The following TOMM70 variants were observed in gnomAD, a reference collection of about 807,000 sequenced individuals.
TOMM70 encodes the protein mitochondrial import receptor subunit TOM70.
TOMM70 carries 13 observed loss-of-function variants against 73.6 expected under a neutral mutation model. That is an observed-to-expected ratio of 0.18 (90% confidence interval 0.11 to 0.28). The LOEUF (loss-of-function observed/expected upper bound fraction) is 0.28. TOMM70 is among the 10% of genes least tolerant of loss of function. The pLI is 1.00. For missense variants in TOMM70, 609 were observed against 747.5 expected, an observed-to-expected ratio of 0.81 and a Z score of 2.16; for synonymous variants, 257 against 271.2, an observed-to-expected ratio of 0.95 and a Z score of 0.51.
At chr3:100,369,912 A>C (rs776822133) in intron 9 of TOMM70, among the ~76,000 whole-genome samples, 3 of 152,220 alleles carry the variant, frequency 2.0e-5, no homozygotes, top group Non-Finnish European at 2.9e-5. Context: ...AAGCAGCTAT[A>C]ACTGCTTCAA....
chr3:100,400,557 T>C (rs1576221423), intron 1 of TOMM70, 69 bp downstream of exon 1: 2 of 1,545,588 alleles, frequency 1.3e-6, no homozygotes, highest in East Asian at 2.4e-5. Flanking sequence ...GCCCCCTCAC[T>C]GACACAACCC....
chr3:100,400,696 G>A lies in TOMM70; in HGVS notation c.254C>T (p.Thr85Ile). The A allele has an allele frequency of 6.2e-7, 1 of 1,611,670 alleles. No homozygotes were observed. The highest frequency in any genetic ancestry group is 8.5e-7 in the Non-Finnish European group (1 of 1,179,642). ...SGLKRNSERK[T>I]PEGRASPAPG... ...GGCCGGACTGGCCCTGCCCTCCGGG[G>A]TCTTCCGTTCGCTGTTGCGCTTCAG... The change falls in exon 1 of 12, where the codon ACC becomes ATC. Residue 85 changes from threonine to isoleucine, a missense_variant. Coordinates refer to ENST00000284320, the MANE Select transcript of TOMM70 (RefSeq NM_014820.5).
intron 1 of TOMM70, among the ~76,000 whole-genome samples, chr3:100,395,423 T>G (rs1305156852): frequency 6.7e-6 from 1 of 149,468 alleles, no homozygotes; most frequent in Admixed American, 6.7e-5. Context: ...CCAGGCATGG[T>G]GGCGAGCTAC....
At chr3:100,386,156 C>T in intron 3 of TOMM70, 62 bp downstream of exon 3, 1 of 1,543,270 alleles carries the variant, frequency 6.5e-7, no homozygotes, top group South Asian at 1.2e-5. Flanking sequence ...GTTTCATATA[C>T]ATTTACCAAT....
At chr3:100,383,418 G>T (rs1267771127) in intron 4 of TOMM70, among the ~76,000 whole-genome samples, 1 of 151,966 alleles carries the variant, frequency 6.6e-6, no homozygotes, top group African/African-American at 2.4e-5. Context: ...AGCTACTTGG[G>T]AGACTGAGGA....
intron 1 of TOMM70, among the ~76,000 whole-genome samples, chr3:100,391,380 T>C (rs1305188141): frequency 6.6e-6 from 1 of 152,202 alleles, no homozygotes; most frequent in African/African-American, 2.4e-5. Context: ...TGCATGTTAA[T>C]GCCCTTGAAG....
intron 6 of TOMM70, among the ~76,000 whole-genome samples, chr3:100,375,473 T>C (rs59491720): frequency 0.11 from 16,607 of 152,260 alleles, 1,352 homozygotes; most frequent in African/African-American, 0.22. Context: ...GGATGTTTCA[T>C]GTAAGTGGAA....
intron 3 of TOMM70, 46 bp from the exon 4 acceptor site, chr3:100,384,634 A>G (rs367671336): frequency 7.3e-7 from 1 of 1,375,330 alleles, no homozygotes; most frequent in East Asian, 2.4e-5. Flanking sequence ...ATTATTGCAA[A>G]GATGGTCAGC....
At chr3:100,386,489 C>G (rs1706694436) in intron 2 of TOMM70, 145 bp from the exon 3 acceptor site, 1 of 935,002 alleles carries the variant, frequency 1.1e-6, no homozygotes, top group African/African-American at 1.7e-5. Flanking sequence ...CAATATATTA[C>G]AAAAGCTCAT....
At chr3:100,373,122 T>C (rs1324248348) in intron 8 of TOMM70, among the ~76,000 whole-genome samples, 1 of 150,636 alleles carries the variant, frequency 6.6e-6, no homozygotes, top group Non-Finnish European at 1.5e-5. Flanking sequence ...GTATCTTATT[T>C]TACTAGAAAA....
At chr3:100,399,150 C>A (rs141462564) in intron 1 of TOMM70, among the ~76,000 whole-genome samples, 1,801 of 151,996 alleles carry the variant, frequency 0.012, 37 homozygotes, top group African/African-American at 0.042. Context: ...GGCATGGTGG[C>A]GCGCGCCTGT....
intron 1 of TOMM70, among the ~76,000 whole-genome samples, chr3:100,391,590 G>C (rs548312680): frequency 6.6e-5 from 10 of 152,296 alleles, no homozygotes; most frequent in African/African-American, 2.4e-4. Flanking sequence ...CAATGTGCTT[G>C]TGTTTTAAGC....
chr3:100,384,680 A>C (rs568656638), intron 3 of TOMM70, 92 bp from the exon 4 acceptor site: 1 of 819,400 alleles, frequency 1.2e-6, no homozygotes, highest in East Asian at 2.7e-5. Flanking sequence ...ACAGAAAGCC[A>C]AACTAAATTC....
At chr3:100,395,499 C>A (rs1442783164) in intron 1 of TOMM70, among the ~76,000 whole-genome samples, 1 of 147,246 alleles carries the variant, frequency 6.8e-6, no homozygotes, top group East Asian at 2.0e-4. Context: ...GCAGAGATTG[C>A]ACCACTGCAC....
In TOMM70 at chr3:100,365,639, C is replaced by A; in HGVS notation, c.1752G>T (p.Leu584=). The change falls in exon 12 of 12, where the codon CTG becomes CTT. Residue 584 remains leucine, a synonymous_variant. Transcript: ENST00000284320. ...LAKSEMEMAH[L]YSLCDAAHAQ... ...CATGGGCGGCATCGCAAAGTGAATACAGATGGGCCATCTCCATTTCCGATT... is the reference window on the plus strand; with the variant it reads ...CATGGGCGGCATCGCAAAGTGAATAAAGATGGGCCATCTCCATTTCCGATT... 6.2e-7 allele frequency: 1 copy of A among 1,614,224 alleles called. No individual in the cohort carries two copies. Among genetic ancestry groups the A allele is most frequent in the East Asian group, 2.2e-5 (1 of 44,890 alleles).
Position 100,364,101 on chromosome 3 carries a change from C to T in TOMM70, c.*1463G>A, listed in dbSNP as rs1325408139. 6.6e-6 allele frequency: 1 copy of T among 152,164 alleles called. No homozygotes were observed. The highest frequency in any genetic ancestry group is 1.5e-5 in the Non-Finnish European group (1 of 68,028). 9.4% of individuals were successfully genotyped at this position (152,164 alleles called of 1,614,324 possible). On this transcript the variant is annotated 3_prime_UTR_variant, in exon 12 of 12. Transcript: ENST00000284320. ...CAAAACAAAAGACCCCTGAAGAACACAACCCTTCCCTCACCAGAAAAATCT... is the reference window on the plus strand; with the variant it reads ...CAAAACAAAAGACCCCTGAAGAACATAACCCTTCCCTCACCAGAAAAATCT...
At position 100,364,745 on chromosome 3, in the gene TOMM70, A is replaced by G. The variant is rs985356723; in HGVS notation, c.*819T>C. The G allele has an allele frequency of 2.6e-5, 4 of 152,164 alleles. No individual in the cohort carries two copies. Among genetic ancestry groups the G allele is most frequent in the African/African-American group, 7.2e-5 (3 of 41,426 alleles). The allele number at this position is 152,164 out of a possible 1,614,324, so 9.4% of individuals were successfully genotyped here. A position where few individuals can be genotyped will look rare whatever the true frequency, so the allele number is the denominator to read the frequency against. On this transcript the variant is annotated 3_prime_UTR_variant, in exon 12 of 12. Transcript: ENST00000284320. ...ACTGTACCCTCTATCCTACATTTTT[A>G]AAAGCTCACCATTAAATAGTACTAA...
chr3:100,378,842 TA>T (rs775250547), intron 5 of TOMM70, among the ~76,000 whole-genome samples: 123 of 152,082 alleles, frequency 8.1e-4, no homozygotes, highest in South Asian at 2.9e-3. Flanking sequence ...CCATCTCTAA[TA>T]AAAATACAAA....
rs756746228 is a variant in TOMM70 at position 100,368,092 on chromosome 3, T to C, written c.1625A>G (p.Asn542Ser). The change falls in exon 11 of 12, where the codon AAT becomes AGT. Residue 542 changes from asparagine (N) to serine (S), a missense_variant. By Grantham distance (46) the Asn-to-Ser change is conservative (BLOSUM62 1). Transcript: ENST00000284320. Reference protein sequence around the residue: ...ELISKAIEIDNKCDFAYETMG... With the variant: ...ELISKAIEIDSKCDFAYETMG... Reference sequence around the variant, plus strand: ...GGTTTCATAGGCAAAATCACATTTATTGTCAATTTCAATAGCCTTGCTGAT... The same window carrying C: ...GGTTTCATAGGCAAAATCACATTTACTGTCAATTTCAATAGCCTTGCTGAT... The C allele has an allele frequency of 2.5e-6, 4 of 1,614,018 alleles. No homozygotes were observed. The highest frequency in any genetic ancestry group is 1.7e-4 in the Middle Eastern group (1 of 6,058).
Sources: allele counts gnomAD v4.1 joint callset (sites outside exome capture counted in the v4.1 genomes callset), GRCh38; gene constraint gnomAD v4.1.1; transcripts MANE v1.5; gene names NCBI Gene and HGNC (gene_info 2026-07-23, HGNC 2026-07-21).